NKAIN2: variants seen among roughly 807,000 people sequenced by gnomAD.
NKAIN2 encodes sodium/potassium-transporting ATPase subunit beta-1-interacting protein 2.
Under a neutral mutation model 32.6 loss-of-function variants are expected in NKAIN2, and 14 were observed. The observed-to-expected ratio is 0.43, with a 90% CI of 0.28 to 0.67. The LOEUF (loss-of-function observed/expected upper bound fraction) is 0.67, where lower values mean the gene tolerates loss of function less well. Ranked by LOEUF, NKAIN2 falls within the 30% of genes least tolerant of loss-of-function variation. The pLI is 0.17. For missense variants in NKAIN2, 198 were observed against 258.3 expected (o/e 0.77, Z 1.60); for synonymous variants, 80 against 87.2 (o/e 0.92, Z 0.46).
At chr6:124,216,575 A>T (rs1791488172) in intron 1 of NKAIN2, among the ~76,000 whole-genome samples, 2 of 152,020 alleles carry the variant, frequency 1.3e-5, no homozygotes, top group South Asian at 4.2e-4. Flanking sequence ...ATTATTTTAC[A>T]TTTTCGTTAT....
At chr6:124,322,659 A>G (rs1797246844) in intron 2 of NKAIN2, among the ~76,000 whole-genome samples, 1 of 152,194 alleles carries the variant, frequency 6.6e-6, no homozygotes, top group African/African-American at 2.4e-5. Flanking sequence ...ATTTAATTAA[A>G]TATTGTAGGA....
intron 3 of NKAIN2, among the ~76,000 whole-genome samples, chr6:124,362,308 C>A (rs182380776): frequency 7.2e-4 from 110 of 152,132 alleles, no homozygotes; most frequent in Non-Finnish European, 3.2e-4. Flanking sequence ...AGATATTCGA[C>A]CTATTATTAA....
intron 1 of NKAIN2, among the ~76,000 whole-genome samples, chr6:124,054,897 T>G (rs888064520): frequency 6.6e-6 from 1 of 152,032 alleles, no homozygotes; most frequent in African/African-American, 2.4e-5. Context: ...GTTCTATCAC[T>G]TATGATTAAA....
At chr6:124,149,453 T>G (rs1475795680) in intron 1 of NKAIN2, among the ~76,000 whole-genome samples, 1 of 152,204 alleles carries the variant, frequency 6.6e-6, no homozygotes, top group East Asian at 1.9e-4. Flanking sequence ...TGAGTTAATG[T>G]TTTGTTTATG....
intron 3 of NKAIN2, among the ~76,000 whole-genome samples, chr6:124,533,663 T>C (rs1418112015): frequency 2.6e-5 from 4 of 152,184 alleles, no homozygotes; most frequent in Non-Finnish European, 5.9e-5. Flanking sequence ...ATACATGAAG[T>C]ACTTAGCCCA....
intron 1 of NKAIN2, among the ~76,000 whole-genome samples, chr6:124,024,252 T>G (rs1781003468): frequency 6.6e-6 from 1 of 152,150 alleles, no homozygotes; most frequent in African/African-American, 2.4e-5. Context: ...CATATACCTA[T>G]CAGGTTAGCC....
At chr6:124,479,959 C>T (rs1777379031) in intron 3 of NKAIN2, among the ~76,000 whole-genome samples, 1 of 152,084 alleles carries the variant, frequency 6.6e-6, no homozygotes, top group Non-Finnish European at 1.5e-5. Context: ...TAAGAGAAAA[C>T]TTTACACTTC....
At chr6:124,563,088 T>G (rs893720887) in intron 3 of NKAIN2, among the ~76,000 whole-genome samples, 2 of 151,992 alleles carry the variant, frequency 1.3e-5, no homozygotes, top group Non-Finnish European at 2.9e-5. Context: ...GTATTTTTAG[T>G]AGAGACGGGG....
chr6:124,602,298 C>A (rs1159758306), intron 3 of NKAIN2, among the ~76,000 whole-genome samples: 2 of 151,912 alleles, frequency 1.3e-5, no homozygotes, highest in African/African-American at 4.8e-5. Flanking sequence ...AAGACTAACT[C>A]ATCTTATAGC....
At chr6:124,087,037 A>C (rs1311074703) in intron 1 of NKAIN2, among the ~76,000 whole-genome samples, 1 of 151,962 alleles carries the variant, frequency 6.6e-6, no homozygotes, top group Non-Finnish European at 1.5e-5. Flanking sequence ...AATATTAGCA[A>C]ATTGAATCCA....
intron 4 of NKAIN2, among the ~76,000 whole-genome samples, chr6:124,683,614 GGTGCGTGCTTGACCAGT>G (rs1395322083): frequency 2.6e-5 from 4 of 152,086 alleles, no homozygotes; most frequent in South Asian, 2.1e-4. Flanking sequence ...CAGCCTCCAG[GGTGCGTGCTTGACCAGT>G]GTGCGTGCTT....
At chr6:123,923,124 CA>C (rs369671909) in intron 1 of NKAIN2, among the ~76,000 whole-genome samples, 3 of 79,790 alleles carry the variant, frequency 3.8e-5, no homozygotes, top group East Asian at 9.5e-4. Flanking sequence ...AAGGGATTAC[CA>C]AAAAAAACAA....
chr6:124,363,571 C>T (rs1201213120), intron 3 of NKAIN2, among the ~76,000 whole-genome samples: 14 of 152,154 alleles, frequency 9.2e-5, no homozygotes, highest in Admixed American at 7.9e-4. Flanking sequence ...GAAAATTTTT[C>T]GGCAGTCATG....
chr6:124,735,294 A>G (rs1776880907), intron 4 of NKAIN2, among the ~76,000 whole-genome samples: 2 of 151,904 alleles, frequency 1.3e-5, no homozygotes, highest in Non-Finnish European at 2.9e-5. Context: ...GGTATATTAT[A>G]TAAATTCTCT....
intron 2 of NKAIN2, among the ~76,000 whole-genome samples, chr6:124,340,237 A>G (rs2115079848): frequency 6.6e-6 from 1 of 152,304 alleles, no homozygotes; most frequent in East Asian, 1.9e-4. Flanking sequence ...TTTGCTGGAG[A>G]TTATTTTCTT....
intron 3 of NKAIN2, among the ~76,000 whole-genome samples, chr6:124,544,901 A>G (rs1780039297): frequency 6.6e-6 from 1 of 152,174 alleles, no homozygotes; most frequent in African/African-American, 2.4e-5. Flanking sequence ...AGATGAAGGT[A>G]AATATAATTT....
intron 1 of NKAIN2, among the ~76,000 whole-genome samples, chr6:123,951,519 T>C (rs1357526324): frequency 1.3e-5 from 2 of 152,042 alleles, no homozygotes; most frequent in Admixed American, 6.6e-5. Context: ...TGACCCTCTT[T>C]TTCGCTTTTT....
At chr6:124,296,433 C>T (rs1046280875) in intron 2 of NKAIN2, among the ~76,000 whole-genome samples, 2 of 152,048 alleles carry the variant, frequency 1.3e-5, no homozygotes, top group East Asian at 3.9e-4. Context: ...TTTTATGTAG[C>T]TAGGTATATG....
intron 3 of NKAIN2, among the ~76,000 whole-genome samples, chr6:124,440,274 A>G (rs547464706): frequency 6.6e-6 from 1 of 152,146 alleles, no homozygotes; most frequent in Admixed American, 6.6e-5. Flanking sequence ...AGTAAGTTAT[A>G]GAAGAGCTGC....
Sources: allele counts gnomAD v4.1 joint callset (sites outside exome capture counted in the v4.1 genomes callset), GRCh38; gene constraint gnomAD v4.1.1; transcripts MANE v1.5; gene names NCBI Gene and HGNC (gene_info 2026-07-23, HGNC 2026-07-21).